The following FBXO47 variants were observed in gnomAD, a reference collection of about 807,000 sequenced individuals.
The protein encoded by FBXO47 is F-box only protein 47.
Under a neutral mutation model 53.9 loss-of-function variants are expected in FBXO47, and 34 were observed. That is an observed-to-expected ratio of 0.63 (90% CI 0.48 to 0.84). The LOEUF is 0.84. Among genes scored for constraint, FBXO47 ranks in the 40% least tolerant of loss-of-function variants. FBXO47 has a pLI of 0.00. For missense variants in FBXO47, 485 were observed against 541.3 expected, an observed-to-expected ratio of 0.90 and a Z score of 1.03; for synonymous variants, 165 against 181.6, an observed-to-expected ratio of 0.91 and a Z score of 0.73.
In FBXO47 at chr17:38,964,719, A is replaced by G. The variant is rs114656671; in HGVS notation, c.-26-1668T>C. On this transcript the variant is annotated intron_variant, in intron 1 of 10. Transcript: ENST00000378079. ...CAATAATAATAATAGTCACTGATGA[A>G]TCTTAGAAAGGGCCTACGCATCTTG... Among the ~76,000 whole-genome samples the G allele has an allele frequency of 8.9e-3, 1,348 of 152,198 alleles. 25 individuals carry two copies. The highest frequency in any genetic ancestry group is 0.031 in the African/African-American group (1,303 of 41,468).
chr17:38,946,829 TATAA>T (rs1175697214), intron 6 of FBXO47, among the ~76,000 whole-genome samples: 1 of 110,018 alleles, frequency 9.1e-6, no homozygotes. Flanking sequence ...TATATAAATA[TATAA>T]ATATATATAA....
At position 38,937,228 on chromosome 17, in the gene FBXO47, T is replaced by C; in HGVS notation, c.1306A>G (p.Asn436Asp). The change falls in exon 11 of 11, where the codon AAC becomes GAC. Residue 436 changes from asparagine (N) to aspartate (D), a missense_variant. By Grantham distance (23) the Asn-to-Asp change is conservative. Transcript: ENST00000378079. ...NLFHLVHAQA[N>D]FHKEVLYLTM... ...AAATACAGGACCTCCTTATGGAAGT[T>C]AGCCTGAGCATGTACAAGATGGAAC... 6.2e-7 allele frequency: 1 copy of C among 1,610,950 alleles called. No homozygotes were observed. Among genetic ancestry groups the C allele is most frequent in the African/African-American group, 1.3e-5 (1 of 74,888 alleles).
At chr17:38,963,419 T>C (rs1201055186) in intron 1 of FBXO47, among the ~76,000 whole-genome samples, 1 of 152,168 alleles carries the variant, frequency 6.6e-6, no homozygotes, top group East Asian at 1.9e-4. Context: ...TCAGGTGATC[T>C]GCCCTCCTCA....
intron 7 of FBXO47, 112 bp downstream of exon 7, chr17:38,944,848 A>ATGTGTGTGTGTGTGTGTGTGTGTTTG (rs71300085): frequency 1.8e-6 from 1 of 553,650 alleles, no homozygotes; most frequent in Non-Finnish European, 3.0e-6. Context: ...GCGTGCATGC[A>ATGTGTGTGTGTGTGTGTGTGTGTTTG]TGTGTGTGTG....
intron 7 of FBXO47, among the ~76,000 whole-genome samples, chr17:38,944,326 G>C (rs374654142): frequency 6.6e-6 from 1 of 151,750 alleles, no homozygotes; most frequent in African/African-American, 2.4e-5. Flanking sequence ...AAGAGGTTGA[G>C]AGCAACCTGG....
At chr17:38,938,795 G>A in intron 9 of FBXO47, 63 bp from the exon 10 acceptor site, 2 of 1,285,778 alleles carry the variant, frequency 1.6e-6, no homozygotes, top group South Asian at 1.6e-5. Flanking sequence ...ATTTGAAAAT[G>A]GTGAACAATG....
intron 6 of FBXO47, among the ~76,000 whole-genome samples, chr17:38,946,203 T>C (rs1448217420): frequency 8.9e-6 from 1 of 112,668 alleles, no homozygotes; most frequent in Admixed American, 1.2e-4. Flanking sequence ...AAAATATATA[T>C]AAATATATAC....
At position 38,947,781 on chromosome 17, in the gene FBXO47, G is replaced by T. The variant is rs559627840; in HGVS notation, c.617-2645C>A. ...AAAAATTAGCCGGGTGTGGTGGCGG[G>T]CACCTGTAGTCCCAGCTACTTGGGA... On this transcript the variant is annotated intron_variant, in intron 6 of 10. Transcript: ENST00000378079. Among the ~76,000 whole-genome samples the T allele has an allele frequency of 2.5e-4, 38 of 152,160 alleles. 1 individual carries two copies. Among genetic ancestry groups the T allele is most frequent in the Admixed American group, 8.5e-4 (13 of 15,272 alleles).
chr17:38,967,374 C>G lies in FBXO47; in HGVS notation c.-172G>C, dbSNP rs993853464. 9.2e-5 allele frequency: 14 copies of G among 152,128 alleles called. No individual in the cohort carries two copies. The highest frequency in any genetic ancestry group is 3.1e-4 in the African/African-American group (13 of 41,426). The allele number at this position is 152,128 out of a possible 1,614,324, so 9.4% of individuals were successfully genotyped here. ...CGCCAGGAGGCGAGAGGGTCACACT[C>G]CCGTAGGCTCCGGAGCTGCAGCCCT... On this transcript the variant is annotated 5_prime_UTR_variant, in exon 1 of 11. Transcript: ENST00000378079.
At chr17:38,949,454 AT>A (rs1905108191) in intron 6 of FBXO47, among the ~76,000 whole-genome samples, 1 of 151,190 alleles carries the variant, frequency 6.6e-6, no homozygotes, top group Non-Finnish European at 1.5e-5. Flanking sequence ...CAAAACAACA[AT>A]AACAACAACA....
At chr17:38,964,434 A>G (rs1399358823) in intron 1 of FBXO47, among the ~76,000 whole-genome samples, 4 of 152,144 alleles carry the variant, frequency 2.6e-5, no homozygotes, top group East Asian at 1.9e-4. Flanking sequence ...CGTCTCTACA[A>G]AAAATACAAA....
intron 3 of FBXO47, 40 bp from the exon 4 acceptor site, chr17:38,957,293 AC>A: frequency 7.8e-7 from 1 of 1,281,694 alleles, no homozygotes. Flanking sequence ...TGACAACAAT[AC>A]AATTAAGAAC....
In FBXO47 at chr17:38,937,286, G is replaced by A; in HGVS notation, c.1248C>T (p.Asp416=). Residue 416 remains aspartate (D), a synonymous_variant, in exon 11 of 11, where the codon GAC becomes GAT. Coordinates refer to ENST00000378079, the MANE Select transcript of FBXO47 (RefSeq NM_001008777.3). ...AAAAGCTTCTGTCATCTTCATCACG[G>A]TCTCCTATATGCCATACATAGTGGG... ...MEMLQSIMSG[D]RDEDDRSFLN... is the part of the protein sequence containing the mutation. 1 of 1,521,636 alleles carries A rather than the reference G, an allele frequency of 6.6e-7. No homozygotes were observed. Among genetic ancestry groups the A allele is most frequent in the Non-Finnish European group, 9.1e-7 (1 of 1,096,954 alleles). 94.3% of individuals were successfully genotyped at this position (1,521,636 alleles called of 1,614,324 possible). A position where few individuals can be genotyped will look rare whatever the true frequency, so the allele number is the denominator to read the frequency against.
chr17:38,966,633 C>T (rs1356057243), intron 1 of FBXO47, among the ~76,000 whole-genome samples: 1 of 152,110 alleles, frequency 6.6e-6, no homozygotes, highest in African/African-American at 2.4e-5. Flanking sequence ...AGTCACCAGG[C>T]GGGGACTTCA....
At chr17:38,946,352 A>C (rs1345297037) in intron 6 of FBXO47, among the ~76,000 whole-genome samples, 19 of 87,470 alleles carry the variant, frequency 2.2e-4, no homozygotes, top group South Asian at 7.6e-4. Flanking sequence ...AAATATATAA[A>C]TATATATAAA....
intron 6 of FBXO47, among the ~76,000 whole-genome samples, chr17:38,949,058 A>G (rs147428304): frequency 1.6e-4 from 24 of 152,114 alleles, no homozygotes; most frequent in African/African-American, 4.6e-4. Flanking sequence ...TTGTTTATCT[A>G]TTGACCCATT....
At chr17:38,957,366 G>A (rs1032437655) in intron 3 of FBXO47, 113 bp from the exon 4 acceptor site, 18 of 652,678 alleles carry the variant, frequency 2.8e-5, no homozygotes, top group Non-Finnish European at 4.8e-5. Flanking sequence ...AGTGGACTAT[G>A]AGTTGATATG....
chr17:38,958,801 T>C (rs1350043701), intron 3 of FBXO47, among the ~76,000 whole-genome samples: 2 of 152,304 alleles, frequency 1.3e-5, no homozygotes, highest in Non-Finnish European at 1.5e-5. Flanking sequence ...ATGAACAGAA[T>C]TGTTTTAAAC....
Position 38,942,807 on chromosome 17 carries a change from G to A in FBXO47, c.1054C>T (p.Leu352=), listed in dbSNP as rs757058137. The A allele has an allele frequency of 1.2e-6, 2 of 1,612,906 alleles. No individual in the cohort carries two copies. Among genetic ancestry groups the A allele is most frequent in the Non-Finnish European group, 1.7e-6 (2 of 1,179,722 alleles). ...GCCAAAAAGACTACGAGCCTTGCCAGTTCAATGGTGCGTCCATTCACAGCT... is the reference window on the plus strand; with the variant it reads ...GCCAAAAAGACTACGAGCCTTGCCAATTCAATGGTGCGTCCATTCACAGCT... ...SKAVNGRTIE[L]ARLVVFLALV... is the part of the protein sequence containing the mutation. The change falls in exon 9 of 11, where the codon CTG becomes TTG. Residue 352 remains leucine, a synonymous_variant. Coordinates refer to ENST00000378079, the MANE Select transcript of FBXO47 (RefSeq NM_001008777.3).
Sources: gnomAD v4.1 joint callset for allele counts (sites outside exome capture counted in the v4.1 genomes callset) on GRCh38, gnomAD v4.1.1 for gene constraint, MANE v1.5 for transcripts, NCBI Gene and HGNC (gene_info 2026-07-23, HGNC 2026-07-21) for gene names.